NCK1: variants seen among roughly 807,000 people sequenced by gnomAD.
NCK1 encodes the protein SH2/SH3 adapter protein NCK1.
NCK1 carries 19 observed loss-of-function variants against 36.6 expected under a neutral mutation model. That is an observed-to-expected ratio of 0.52 (90% CI 0.36 to 0.76). NCK1 has a LOEUF of 0.76. NCK1 is among the 30% of genes least tolerant of loss of function. The pLI is 0.00. For synonymous variants in NCK1, 165 were observed against 156.0 expected, an observed-to-expected ratio of 1.06 and a Z score of -0.43; for missense variants, 358 against 445.6, an observed-to-expected ratio of 0.80 and a Z score of 1.77.
chr3:136,870,015 A>G (rs1391833551), intron 1 of NCK1, among the ~76,000 whole-genome samples: 1 of 138,798 alleles, frequency 7.2e-6, no homozygotes, highest in Non-Finnish European at 1.5e-5. Flanking sequence ...AAAAGAATGG[A>G]TGTTTCTCAA....
rs917239958 is a variant in NCK1 at position 136,930,555 on chromosome 3, C to T, written c.226+2328C>T. ...AAACTGACAGAACACAGAATTTTTA[C>T]TCAAAATGGATTGGTTAAACGTCTT... On this transcript the variant is annotated intron_variant, in intron 2 of 3. Coordinates refer to ENST00000481752, the MANE Select transcript of NCK1 (RefSeq NM_001291999.2). 2.7e-6 allele frequency: 4 copies of T among 1,465,840 alleles called. No individual in the cohort carries two copies. In the African/African-American group the frequency reaches 4.3e-5, roughly 16 times the overall value. The allele number at this position is 1,465,840 out of a possible 1,614,324, so 90.8% of individuals were successfully genotyped here. A position where few individuals can be genotyped will look rare whatever the true frequency, so the allele number is the denominator to read the frequency against.
intron 1 of NCK1, among the ~76,000 whole-genome samples, chr3:136,876,035 A>T (rs1449217500): frequency 1.3e-5 from 2 of 151,630 alleles, no homozygotes; most frequent in Non-Finnish European, 3.0e-5. Context: ...AAACTGAACA[A>T]CCTGCTCCTG....
At chr3:136,880,803 C>T (rs1938911731) in intron 1 of NCK1, among the ~76,000 whole-genome samples, 2 of 152,188 alleles carry the variant, frequency 1.3e-5, no homozygotes, top group South Asian at 4.2e-4. Flanking sequence ...AGATGGGGTT[C>T]TCACTTCTTT....
At chr3:136,914,964 T>C (rs1353216903) in intron 1 of NCK1, among the ~76,000 whole-genome samples, 1 of 152,172 alleles carries the variant, frequency 6.6e-6, no homozygotes. Context: ...ATTCTCTCTC[T>C]TGCTTCATCT....
intron 1 of NCK1, among the ~76,000 whole-genome samples, chr3:136,911,481 A>G (rs1045490130): frequency 2.0e-4 from 31 of 152,090 alleles, no homozygotes; most frequent in African/African-American, 6.5e-4. Flanking sequence ...GCATTTCCCT[A>G]ATGATTAGTG....
intron 2 of NCK1, among the ~76,000 whole-genome samples, chr3:136,938,329 A>G (rs145463012): frequency 2.8e-4 from 43 of 152,250 alleles, no homozygotes; most frequent in African/African-American, 1.0e-3. Context: ...CAGATTCTGT[A>G]TTTGTGAATT....
intron 1 of NCK1, among the ~76,000 whole-genome samples, chr3:136,865,854 A>T (rs970168571): frequency 1.3e-5 from 2 of 152,236 alleles, no homozygotes; most frequent in African/African-American, 4.8e-5. Flanking sequence ...AACTGATTCC[A>T]TATGCTGACT....
intron 1 of NCK1, among the ~76,000 whole-genome samples, chr3:136,927,675 T>A (rs1348909561): frequency 6.6e-6 from 1 of 151,916 alleles, no homozygotes; most frequent in Non-Finnish European, 1.5e-5. Context: ...GTGTGCACCA[T>A]CACGCCCAGC....
chr3:136,899,845 A>G (rs1939493721), intron 1 of NCK1: 2 of 1,453,696 alleles, frequency 1.4e-6, no homozygotes, highest in South Asian at 1.1e-5. Context: ...TCTCTCTGGT[A>G]GAGCTTATCA....
At chr3:136,914,278 T>C (rs1295692443) in intron 1 of NCK1, among the ~76,000 whole-genome samples, 1 of 152,182 alleles carries the variant, frequency 6.6e-6, no homozygotes, top group Non-Finnish European at 1.5e-5. Flanking sequence ...CGTGTCTGCC[T>C]GGAGATTGGG....
chr3:136,897,303 G>C (rs1939415932), intron 1 of NCK1, among the ~76,000 whole-genome samples: 1 of 151,872 alleles, frequency 6.6e-6, no homozygotes, highest in African/African-American at 2.4e-5. Context: ...TGTTGGCCAG[G>C]TTGGTCTGAA....
At chr3:136,875,274 T>G (rs1938734288) in intron 1 of NCK1, among the ~76,000 whole-genome samples, 2 of 152,168 alleles carry the variant, frequency 1.3e-5, no homozygotes, top group African/African-American at 2.4e-5. Context: ...AAGGAGATTT[T>G]GGGCTGAGAC....
intron 1 of NCK1, among the ~76,000 whole-genome samples, chr3:136,925,166 T>C (rs1940206787): frequency 6.6e-6 from 1 of 152,214 alleles, no homozygotes; most frequent in African/African-American, 2.4e-5. Context: ...AGAATGCTAT[T>C]TTTGTACATT....
intron 1 of NCK1, among the ~76,000 whole-genome samples, chr3:136,900,470 T>A (rs1433301725): frequency 2.0e-5 from 3 of 152,210 alleles, no homozygotes; most frequent in Non-Finnish European, 2.9e-5. Flanking sequence ...AAAAAAGACA[T>A]TGGTATTTTG....
intron 1 of NCK1, among the ~76,000 whole-genome samples, chr3:136,872,572 G>A (rs1228252508): frequency 6.6e-6 from 1 of 152,186 alleles, no homozygotes; most frequent in African/African-American, 2.4e-5. Context: ...TAGGTAATGA[G>A]GAGCTGAATA....
intron 2 of NCK1, among the ~76,000 whole-genome samples, chr3:136,939,360 G>A (rs1391104854): frequency 6.6e-6 from 1 of 152,012 alleles, no homozygotes; most frequent in African/African-American, 2.4e-5. Flanking sequence ...TGTCTCTCTT[G>A]TTGGTCTAGC....
At chr3:136,890,184 G>C (rs567736206) in intron 1 of NCK1, among the ~76,000 whole-genome samples, 9 of 152,306 alleles carry the variant, frequency 5.9e-5, no homozygotes, top group Non-Finnish European at 1.2e-4. Context: ...CGAGCGCAGC[G>C]CTGGTGGGCT....
intron 1 of NCK1, among the ~76,000 whole-genome samples, chr3:136,883,016 T>G (rs1296114792): frequency 6.6e-6 from 1 of 152,200 alleles, no homozygotes; most frequent in Non-Finnish European, 1.5e-5. Context: ...CCTCCTGGGT[T>G]CAAGCAATTC....
rs150129538 is a variant in NCK1, at chr3:136,893,408, T to C, written c.-19+31055T>C. Among the ~76,000 whole-genome samples the C allele has an allele frequency of 8.6e-3, 1,306 of 152,118 alleles. 11 individuals are homozygous for C. Among genetic ancestry groups the C allele is most frequent in the Non-Finnish European group, 0.014 (967 of 67,996 alleles). The stretch of plus-strand genomic sequence containing the variant: ...TGCATTTCCCTGGTAATTAGTGATG[T>C]TGAACATTTTTTCATATGTTGGCCA... On this transcript the variant is annotated intron_variant, in intron 1 of 3. Transcript: ENST00000481752.
Sources: allele counts gnomAD v4.1 joint callset (sites outside exome capture counted in the v4.1 genomes callset), GRCh38; gene constraint gnomAD v4.1.1; transcripts MANE v1.5; gene names NCBI Gene and HGNC (gene_info 2026-07-23, HGNC 2026-07-21).